The following ABCC5 variants were observed in gnomAD, a reference collection of about 807,000 sequenced individuals.
The protein encoded by ABCC5 is ATP binding cassette subfamily C member 5, also known as ATP-binding cassette sub-family C member 5.
In ABCC5, 61 loss-of-function variants were observed where a neutral mutation model predicts 160.9. The ratio of observed to expected loss-of-function variants is 0.38; its 90% CI spans 0.31 to 0.47. The LOEUF is 0.47. ABCC5 is among the 20% of genes least tolerant of loss of function. ABCC5 has a pLI of 0.99. For synonymous variants in ABCC5, 666 were observed against 700.6 expected (o/e 0.95, Z 0.78); for missense variants, 1,308 against 1,813.3 (o/e 0.72, Z 5.06).
chr3:183,971,464 A>C, intron 11 of ABCC5, 99 bp downstream of exon 11: 2 of 1,179,940 alleles, frequency 1.7e-6, no homozygotes, highest in Non-Finnish European at 2.4e-6. Flanking sequence ...ACTCCTAGCC[A>C]CAAAGCACTT....
chr3:184,002,883 C>A (rs1200440421), intron 2 of ABCC5, among the ~76,000 whole-genome samples: 3 of 152,326 alleles, frequency 2.0e-5, no homozygotes, highest in Admixed American at 6.5e-5. Context: ...TGTCAACTGG[C>A]AACAGAGAGG....
chr3:183,940,031 C>CTAAT lies in ABCC5; in HGVS notation c.3695-1975_3695-1972dup, dbSNP rs144283214. Among the ~76,000 whole-genome samples the CTAAT allele has an allele frequency of 6.7e-3, 1,020 of 152,276 alleles. 11 individuals carry two copies. Among genetic ancestry groups the CTAAT allele is most frequent in the African/African-American group, 0.023 (951 of 41,558 alleles). ...CCTGGGCATACCTCTGTCTAACAGC[C>CTAAT]TAATGGGAACCTGAAAAACACCCAT... is the stretch of plus-strand genomic sequence containing the variant. On this transcript the variant is annotated intron_variant, in intron 25 of 29. Transcript: ENST00000334444.
At chr3:183,931,614 G>A (rs940067865) in intron 26 of ABCC5, among the ~76,000 whole-genome samples, 1 of 152,212 alleles carries the variant, frequency 6.6e-6, no homozygotes, top group Non-Finnish European at 1.5e-5. Context: ...GATTACAGGC[G>A]TGAGCCACTG....
rs2108822017 is a variant in ABCC5, at chr3:183,963,872, T to C, written c.2032-284A>G. Among the ~76,000 whole-genome samples the C allele has an allele frequency of 6.6e-6, 1 of 152,260 alleles. No homozygotes were observed. Among genetic ancestry groups the C allele is most frequent in the East Asian group, 1.9e-4 (1 of 5,178 alleles). On this transcript the variant is annotated intron_variant, in intron 14 of 29. Coordinates refer to ENST00000334444, the MANE Select transcript of ABCC5 (RefSeq NM_005688.4). The surrounding 1 kb of genome is among the most constrained non-coding windows in gnomAD (Gnocchi z 4.6). Reference sequence around the variant, plus strand: ...ACCCGGATGCTCCCCCTCCAATCCATTCTCCACATGGCAGGAAGATCTTTC... The same window carrying C: ...ACCCGGATGCTCCCCCTCCAATCCACTCTCCACATGGCAGGAAGATCTTTC...
At chr3:183,930,959 G>C (rs1713118124) in intron 26 of ABCC5, among the ~76,000 whole-genome samples, 1 of 152,136 alleles carries the variant, frequency 6.6e-6, no homozygotes, top group Admixed American at 6.6e-5. Flanking sequence ...TATGCTCCAG[G>C]GAGCCCCGGT....
At chr3:183,974,406 C>G (rs762581858) in intron 10 of ABCC5, among the ~76,000 whole-genome samples, 7 of 152,204 alleles carry the variant, frequency 4.6e-5, no homozygotes, top group Admixed American at 6.5e-5. Flanking sequence ...CTCCCAGGTT[C>G]ATGCCATTCT....
intron 26 of ABCC5, among the ~76,000 whole-genome samples, chr3:183,933,856 A>G (rs1713416530): frequency 6.6e-6 from 1 of 152,184 alleles, no homozygotes; most frequent in Non-Finnish European, 1.5e-5. Flanking sequence ...GTTTACAGGT[A>G]TCTCAAGAAG....
At chr3:183,948,684 T>C (rs2108792636) in intron 22 of ABCC5, among the ~76,000 whole-genome samples, 1 of 152,246 alleles carries the variant, frequency 6.6e-6, no homozygotes, top group Admixed American at 6.5e-5. Context: ...TTTAATCCTT[T>C]CAGAGATATT....
chr3:183,930,340 C>T (rs1418464959), intron 26 of ABCC5, among the ~76,000 whole-genome samples: 1 of 152,252 alleles, frequency 6.6e-6, no homozygotes, highest in East Asian at 1.9e-4. Context: ...TCCAGCGCCT[C>T]TTGCCCTTTG....
In ABCC5 at chr3:183,971,581, G is replaced by A. The variant is rs762477749; in HGVS notation, c.1743C>T (p.Ile581=). The A allele has an allele frequency of 1.7e-5, 27 of 1,613,496 alleles. No homozygotes were observed. In the East Asian group the frequency reaches 3.3e-4, roughly 20 times the overall value. Residue 581 remains isoleucine, a synonymous_variant, in exon 11 of 30, where the codon ATC becomes ATT. Coordinates refer to ENST00000334444, the MANE Select transcript of ABCC5 (RefSeq NM_005688.4). The stretch of plus-strand genomic sequence containing the variant: ...CACTTACCTCTTGGATCTCCAGATC[G>A]ATGCTGTGCAGTGTCCTCTGTAAGC... The part of the protein sequence containing the change: ...HLRLQRTLHS[I]DLEIQEGKLV...
chr3:183,939,745 T>C (rs772161528), intron 25 of ABCC5, among the ~76,000 whole-genome samples: 3 of 152,252 alleles, frequency 2.0e-5, no homozygotes, highest in African/African-American at 4.8e-5. Flanking sequence ...AAGTTTGCCA[T>C]AGTCCTGTCT....
chr3:183,930,268 C>T (rs746622976), intron 26 of ABCC5, among the ~76,000 whole-genome samples: 4 of 152,212 alleles, frequency 2.6e-5, no homozygotes, highest in East Asian at 1.9e-4. Flanking sequence ...AGGCCGGCAC[C>T]GCCTCATTCC....
intron 29 of ABCC5, among the ~76,000 whole-genome samples, chr3:183,923,298 G>A (rs1712187064): frequency 2.0e-5 from 3 of 152,152 alleles, no homozygotes; most frequent in South Asian, 2.1e-4. Flanking sequence ...GCCACCCATC[G>A]AAAGAAAGGG....
At position 183,971,798 on chromosome 3, in the gene ABCC5, G is replaced by A. The variant is rs200027342; in HGVS notation, c.1526C>T (p.Ser509Leu). The A allele has an allele frequency of 3.3e-4, 530 of 1,614,036 alleles. No homozygotes were observed. Among genetic ancestry groups the A allele is most frequent in the Non-Finnish European group, 3.9e-4 (459 of 1,180,044 alleles). The change falls in exon 11 of 30, where the codon TCG (serine) becomes TTG (leucine). Residue 509 changes from serine (S) to leucine (L), a missense_variant. This residue lies in a region of ABCC5 where 1,142 missense variants were observed against 1,527.1 expected (regional missense o/e 0.75). Coordinates refer to ENST00000334444, the MANE Select transcript of ABCC5 (RefSeq NM_005688.4). ...TTTCATTTTGGGGGTCAGCTTGGGC[G>A]AGTTCTGGATACTGGAGTGGGAGGA... ...WDSSHSSIQN[S>L]PKLTPKMKKD...
At chr3:183,956,215 C>T (rs1463025965) in intron 17 of ABCC5, among the ~76,000 whole-genome samples, 4 of 145,188 alleles carry the variant, frequency 2.8e-5, no homozygotes, top group African/African-American at 5.1e-5. Context: ...CATGCAGATC[C>T]GTGTGTAAAT....
At chr3:183,948,073 G>A (rs1365923165) in intron 22 of ABCC5, among the ~76,000 whole-genome samples, 3 of 152,194 alleles carry the variant, frequency 2.0e-5, no homozygotes, top group South Asian at 2.1e-4. Flanking sequence ...GTTTACTGCT[G>A]CTACTGAAGG....
chr3:183,998,793 T>C (rs1292375619), intron 2 of ABCC5, among the ~76,000 whole-genome samples: 1 of 152,128 alleles, frequency 6.6e-6, no homozygotes, highest in South Asian at 2.1e-4. Context: ...CAGATTAAGA[T>C]AAACAATGAC....
At chr3:183,970,905 G>A (rs976813736) in intron 11 of ABCC5, among the ~76,000 whole-genome samples, 2 of 152,204 alleles carry the variant, frequency 1.3e-5, no homozygotes, top group East Asian at 3.8e-4. Context: ...CTGGCATGGA[G>A]TTTGATACTC....
Position 183,945,865 on chromosome 3 carries a change from G to A in ABCC5, c.3489C>T (p.Ile1163=). Residue 1163 remains isoleucine (I), a synonymous_variant, in exon 24 of 30, where the codon ATC becomes ATT. Transcript: ENST00000334444. ...TEARFTSVER[I]NHYIKTLSLE... ...GCAGTCTGACCTTAATGTAGTGATT[G>A]ATCCTCTCCACCGAGGTGAATCGAG... 1.9e-6 allele frequency: 3 copies of A among 1,614,018 alleles called. No homozygotes were observed. Among genetic ancestry groups the A allele is most frequent in the Non-Finnish European group, 2.5e-6 (3 of 1,179,922 alleles).
Sources: gnomAD v4.1 joint callset for allele counts (sites outside exome capture counted in the v4.1 genomes callset) on GRCh38, gnomAD v4.1.1 for gene constraint, gnomAD v4.1.1 regional missense constraint, Gnocchi (gnomAD v3.1) non-coding constraint, MANE v1.5 for transcripts, NCBI Gene and HGNC (gene_info 2026-07-23, HGNC 2026-07-21) for gene names.